SAMD4A: variants seen among roughly 807,000 people sequenced by gnomAD.
The protein encoded by SAMD4A is sterile alpha motif domain containing 4A, also known as protein Smaug homolog 1.
In SAMD4A, 33 loss-of-function variants were observed where a neutral mutation model predicts 81.3. That is an observed-to-expected ratio of 0.41 (90% CI 0.31 to 0.54). SAMD4A has a LOEUF of 0.54. Among genes scored for constraint, SAMD4A ranks in the 20% least tolerant of loss-of-function variants. The pLI is 0.37. For missense variants in SAMD4A, 854 were observed against 951.1 expected (o/e 0.90, Z 1.34); for synonymous variants, 389 against 382.1 (o/e 1.02, Z -0.21).
At chr14:54,568,724 T>TA (rs2033035121) in intron 2 of SAMD4A, among the ~76,000 whole-genome samples, 2 of 131,174 alleles carry the variant, frequency 1.5e-5, no homozygotes, top group South Asian at 5.2e-4. Context: ...TATATATATA[T>TA]ATATATATAT....
intron 2 of SAMD4A, among the ~76,000 whole-genome samples, chr14:54,574,343 G>A (rs891701922): frequency 2.0e-5 from 3 of 152,244 alleles, no homozygotes; most frequent in Non-Finnish European, 4.4e-5. Context: ...CTGAATGGAA[G>A]AAGTAAACTT....
chr14:54,783,381 C>T (rs778355654), intron 11 of SAMD4A, among the ~76,000 whole-genome samples: 1 of 152,158 alleles, frequency 6.6e-6, no homozygotes, highest in African/African-American at 2.4e-5. Context: ...ATGAGGCCTG[C>T]GGAGGTGCTG....
chr14:54,729,356 A>G (rs1238899895), intron 3 of SAMD4A, among the ~76,000 whole-genome samples: 1 of 152,214 alleles, frequency 6.6e-6, no homozygotes, highest in East Asian at 1.9e-4. Context: ...ATCTTTTAAG[A>G]AAAGGGTAGG....
chr14:54,583,181 C>A (rs974667704), intron 2 of SAMD4A, among the ~76,000 whole-genome samples: 1 of 152,170 alleles, frequency 6.6e-6, no homozygotes, highest in African/African-American at 2.4e-5. Flanking sequence ...TGCACTGGAA[C>A]ATTGGCTCCA....
intron 11 of SAMD4A, among the ~76,000 whole-genome samples, chr14:54,777,741 G>A (rs936342092): frequency 1.3e-5 from 2 of 152,108 alleles, no homozygotes; most frequent in Non-Finnish European, 2.9e-5. Context: ...TGCTGGGAAC[G>A]GCATGTCAGG....
In SAMD4A at chr14:54,702,444, T is replaced by C. The variant is rs1459687685; in HGVS notation, c.579T>C (p.Ser193=). 3 of 1,614,158 alleles carry C rather than the reference T, an allele frequency of 1.9e-6. No individual in the cohort carries two copies. Among genetic ancestry groups the C allele is most frequent in the Admixed American group, 1.7e-5 (1 of 60,016 alleles). Residue 193 remains serine (S), a synonymous_variant, in exon 3 of 13, where the codon TCT becomes TCC. Transcript: ENST00000554335. ...ACAAGCTCAATGGGTGGCAGAACTC[T>C]CGGGATTCTGGGATTTGCATCAATG... The part of the protein sequence containing the change: ...SDDKLNGWQN[S]RDSGICINAS...
chr14:54,567,122 C>T (rs1445006347), upstream of SAMD4A: 1 of 152,344 alleles, frequency 6.6e-6, no homozygotes, highest in Non-Finnish European at 1.5e-5. Context: ...ACCCCCGCGC[C>T]CCTTCGCAGC....
chr14:54,751,947 G>A (rs1055138266), intron 6 of SAMD4A, among the ~76,000 whole-genome samples: 2 of 152,164 alleles, frequency 1.3e-5, no homozygotes, highest in Non-Finnish European at 2.9e-5. Flanking sequence ...TCCTCCCAGG[G>A]GAGGGTCTGT....
At chr14:54,769,494 G>T (rs2038645372) in intron 8 of SAMD4A, among the ~76,000 whole-genome samples, 1 of 152,178 alleles carries the variant, frequency 6.6e-6, no homozygotes, top group African/African-American at 2.4e-5. Flanking sequence ...CTAGAAAAGA[G>T]TTCTGCAGGC....
intron 2 of SAMD4A, among the ~76,000 whole-genome samples, chr14:54,634,736 TC>T (rs2034991353): frequency 6.9e-6 from 1 of 144,014 alleles, no homozygotes; most frequent in Non-Finnish European, 1.5e-5. Flanking sequence ...TGTCTGTCTG[TC>T]TGTCTGTCTG....
intron 3 of SAMD4A, among the ~76,000 whole-genome samples, chr14:54,731,046 G>A (rs780720562): frequency 2.0e-5 from 3 of 152,180 alleles, no homozygotes; most frequent in Non-Finnish European, 2.9e-5. Context: ...GCCTTTAGTG[G>A]TTCTTAGATG....
At chr14:54,660,009 A>T (rs2035603843) in intron 2 of SAMD4A, among the ~76,000 whole-genome samples, 2 of 150,476 alleles carry the variant, frequency 1.3e-5, no homozygotes, top group Admixed American at 6.7e-5. Context: ...TGAACCCGGG[A>T]GGCGGAGGTT....
chr14:54,763,720 C>T (rs542520861), intron 7 of SAMD4A, among the ~76,000 whole-genome samples: 1 of 152,110 alleles, frequency 6.6e-6, no homozygotes, highest in Non-Finnish European at 1.5e-5. Context: ...CACTGTGGCC[C>T]TGTACACATG....
intron 2 of SAMD4A, among the ~76,000 whole-genome samples, chr14:54,586,368 T>C (rs1298410715): frequency 1.3e-5 from 2 of 152,246 alleles, no homozygotes; most frequent in Non-Finnish European, 2.9e-5. Context: ...TTTCTCCCAC[T>C]CTGTGGGTTA....
chr14:54,672,656 A>G (rs1331961066), intron 2 of SAMD4A, among the ~76,000 whole-genome samples: 1 of 152,224 alleles, frequency 6.6e-6, no homozygotes, highest in Non-Finnish European at 1.5e-5. Flanking sequence ...CAAGAATAGT[A>G]TTATTTTTTA....
intron 12 of SAMD4A, among the ~76,000 whole-genome samples, chr14:54,787,827 A>G (rs2039178871): frequency 6.6e-6 from 1 of 152,166 alleles, no homozygotes; most frequent in African/African-American, 2.4e-5. Context: ...GCTGCCAGAG[A>G]AACCATTCTA....
chr14:54,612,568 A>T (rs574910497), intron 2 of SAMD4A, among the ~76,000 whole-genome samples: 9 of 152,326 alleles, frequency 5.9e-5, no homozygotes, highest in African/African-American at 2.2e-4. Flanking sequence ...CTGTTTCCTA[A>T]ATGTGCTAAT....
intron 2 of SAMD4A, among the ~76,000 whole-genome samples, chr14:54,626,067 C>CGCGCGCGCGCGCGAGT (rs2034753651): frequency 1.8e-5 from 2 of 108,694 alleles, no homozygotes; most frequent in Non-Finnish European, 4.0e-5. Context: ...TGTGCGCGCG[C>CGCGCGCGCGCGCGAGT]GCGCGCGCGA....
chr14:54,736,331 C>T (rs2140923199), intron 3 of SAMD4A, among the ~76,000 whole-genome samples: 1 of 152,256 alleles, frequency 6.6e-6, no homozygotes, highest in East Asian at 1.9e-4. Context: ...GAAGTGTTTG[C>T]AATACAAAGT....
Sources: gnomAD v4.1 joint callset for allele counts (sites outside exome capture counted in the v4.1 genomes callset) on GRCh38, gnomAD v4.1.1 for gene constraint, MANE v1.5 for transcripts, NCBI Gene and HGNC (gene_info 2026-07-23, HGNC 2026-07-21) for gene names.